The following DNAJC5G variants were observed in gnomAD, a reference collection of about 807,000 sequenced individuals.
DNAJC5G encodes dnaJ homolog subfamily C member 5G.
In DNAJC5G, 13 loss-of-function variants were observed where a neutral mutation model predicts 19.1. The observed-to-expected ratio is 0.68, with a 90% CI of 0.44 to 1.08. DNAJC5G has a LOEUF of 1.08. Ranked by LOEUF, DNAJC5G falls within the 50% of genes least tolerant of loss-of-function variation. The pLI is 0.00. For synonymous variants in DNAJC5G, 81 were observed against 84.4 expected, an observed-to-expected ratio of 0.96 and a Z score of 0.22; for missense variants, 245 against 230.4, an observed-to-expected ratio of 1.06 and a Z score of -0.41.
intron 3 of DNAJC5G, 82 bp downstream of exon 3, chr2:27,276,923 CTT>C (rs574019537): frequency 0.081 from 41,119 of 504,856 alleles, 27 homozygotes; most frequent in South Asian, 0.11. Context: ...CTATCTGACT[CTT>C]TTTTTTTTTT....
intron 1 of DNAJC5G, chr2:27,275,834 A>T (rs1347248573): frequency 6.5e-6 from 1 of 153,710 alleles, no homozygotes; most frequent in Non-Finnish European, 1.4e-5. Flanking sequence ...GGAGGGAAGA[A>T]GCAAGTCCAG....
intron 5 of DNAJC5G, 85 bp downstream of exon 5, chr2:27,278,417 A>G: frequency 6.4e-7 from 1 of 1,553,422 alleles, no homozygotes; most frequent in South Asian, 1.2e-5. Flanking sequence ...ACAATGGCTC[A>G]TGCCTGTAAT....
intron 5 of DNAJC5G, among the ~76,000 whole-genome samples, chr2:27,279,958 G>A (rs895684638): frequency 6.6e-6 from 1 of 151,518 alleles, no homozygotes; most frequent in African/African-American, 2.4e-5. Context: ...AGGAGGAGGA[G>A]GGGGAGGGGA....
At position 27,280,220 on chromosome 2, in the gene DNAJC5G, T is replaced by G; in HGVS notation, c.*5T>G. 1 of 1,613,924 alleles carries G rather than the reference T, an allele frequency of 6.2e-7. No individual in the cohort carries two copies. Among genetic ancestry groups the G allele is most frequent in the Non-Finnish European group, 8.5e-7 (1 of 1,179,904 alleles). ...AATAGCGAAGATGATTTTTAAGAGA[T>G]GAAGAAGGATGAGGTATGTAAACCG... On this transcript the variant is annotated 3_prime_UTR_variant, in exon 6 of 7. Coordinates refer to ENST00000296097, the MANE Select transcript of DNAJC5G (RefSeq NM_173650.3).
chr2:27,276,643 T>C, intron 2 of DNAJC5G, 83 bp from the exon 3 acceptor site: 1 of 1,211,844 alleles, frequency 8.3e-7, no homozygotes, highest in East Asian at 2.4e-5. Flanking sequence ...CTGAAGGTAG[T>C]GAGTTTCCTG....
intron 4 of DNAJC5G, 72 bp from the exon 5 acceptor site, chr2:27,278,116 G>A: frequency 6.2e-7 from 1 of 1,610,936 alleles, no homozygotes; most frequent in Non-Finnish European, 8.5e-7. Context: ...GTGCCAGGAG[G>A]ATTGAGGGAG....
chr2:27,278,683 C>CAAAAAAAAAAAAAAA (rs1180058010), intron 5 of DNAJC5G, among the ~76,000 whole-genome samples: 9 of 26,708 alleles, frequency 3.4e-4, no homozygotes, highest in Admixed American at 9.0e-4. Flanking sequence ...GACTCCATCT[C>CAAAAAAAAAAAAAAA]AAAAAAAAAA....
rs764886826 is a variant in DNAJC5G, at chr2:27,278,026, C to A, written c.375+11C>A. On this transcript the variant is annotated intron_variant, in intron 4 of 6. Coordinates refer to ENST00000296097, the MANE Select transcript of DNAJC5G (RefSeq NM_173650.3). ...AGTTGTTGGTTCAAGGTACACAATT[C>A]TCCAGGTCCTTTAAGAATAAGGAAA... 6.2e-7 allele frequency: 1 copy of A among 1,612,312 alleles called. No homozygotes were observed. The highest frequency in any genetic ancestry group is 8.5e-7 in the Non-Finnish European group (1 of 1,178,896).
chr2:27,277,670 C>T lies in DNAJC5G; in HGVS notation c.114-84C>T, dbSNP rs557255829. The T allele has an allele frequency of 2.5e-5, 38 of 1,545,038 alleles. No homozygotes were observed. In the East Asian group the frequency reaches 5.2e-4, roughly 21 times the overall value. ...AGTTTAGACCTTGGATGCTTGCCTCCATCCTTTGTACCACATCTCATGCAT... is the reference window on the plus strand; with the variant it reads ...AGTTTAGACCTTGGATGCTTGCCTCTATCCTTTGTACCACATCTCATGCAT... On this transcript the variant is annotated intron_variant, in intron 3 of 6. Transcript: ENST00000296097.
At position 27,277,754 on chromosome 2, in the gene DNAJC5G, C is replaced by A; in HGVS notation, c.114C>A (p.Ser38Arg). ...ASPEDFKKSY[S>R]HSALLPHPPF... ...ATTCATCGTAAGTCTCCTTCCCCAG[C>A]CATTCCGCATTGCTTCCCCACCCTC... The change falls in exon 4 of 7, where the codon AGC (serine) becomes AGA (arginine). Residue 38 changes from serine to arginine, a missense_variant and splice_region_variant. Ser to Arg is a moderately radical substitution (Grantham distance 110). Coordinates refer to ENST00000296097, the MANE Select transcript of DNAJC5G (RefSeq NM_173650.3). The A allele has an allele frequency of 6.2e-7, 1 of 1,613,882 alleles. No homozygotes were observed. The highest frequency in any genetic ancestry group is 8.5e-7 in the Non-Finnish European group (1 of 1,179,810).
intron 5 of DNAJC5G, 44 bp from the exon 6 acceptor site, chr2:27,280,122 A>G: frequency 1.3e-6 from 2 of 1,587,330 alleles, no homozygotes; most frequent in Non-Finnish European, 1.7e-6. Context: ...ACGAAAAGTT[A>G]CTAAACGTTT....
chr2:27,280,278 A>G (rs1306093589), intron 6 of DNAJC5G, 45 bp downstream of exon 6: 10 of 1,525,126 alleles, frequency 6.6e-6, no homozygotes, highest in Non-Finnish European at 9.1e-6. Flanking sequence ...TAAGAAAAGC[A>G]TGTAAGCTAA....
At position 27,281,204 on chromosome 2, in the gene DNAJC5G, A is replaced by G. The variant is rs762025464; in HGVS notation, c.*794A>G. On this transcript the variant is annotated 3_prime_UTR_variant, in exon 7 of 7. Transcript: ENST00000296097. ...TCACATATTATGCAGGCCAATTGAC[A>G]TATAATTTGTTCTTAAAAATAGGGG... 1 of 152,348 alleles carries G rather than the reference A, an allele frequency of 6.6e-6. No homozygotes were observed. Among genetic ancestry groups the G allele is most frequent in the Non-Finnish European group, 1.5e-5 (1 of 68,038 alleles). 9.4% of individuals were successfully genotyped at this position (152,348 alleles called of 1,614,324 possible).
intron 3 of DNAJC5G, 75 bp downstream of exon 3, chr2:27,276,916 T>G: frequency 1.0e-6 from 1 of 977,320 alleles, no homozygotes; most frequent in Non-Finnish European, 1.5e-6. Flanking sequence ...TCTTTTGCTA[T>G]CTGACTCTTT....
rs761664751 is a variant in DNAJC5G at position 27,280,183 on chromosome 2, A to G, written c.538A>G (p.Arg180Gly). 1.9e-6 allele frequency: 3 copies of G among 1,613,970 alleles called. No individual in the cohort carries two copies. The highest frequency in any genetic ancestry group is 1.7e-6 in the Non-Finnish European group (2 of 1,179,974). The part of the protein sequence containing the change: ...PPRSGAKCDF[R>G]SEENSEDDF The stretch of plus-strand genomic sequence containing the variant: ...CATCATAGGAGCCAAATGTGATTTT[A>G]GAAGCGAGGAAAATAGCGAAGATGA... Residue 180 changes from arginine to glycine, a missense_variant, in exon 6 of 7, where the codon AGA becomes GGA. Arg to Gly is a moderately radical substitution (Grantham distance 125). Coordinates refer to ENST00000296097, the MANE Select transcript of DNAJC5G (RefSeq NM_173650.3).
Position 27,277,923 on chromosome 2 carries a change from G to C in DNAJC5G, c.283G>C (p.Asp95His). ...LSDSKKRKIYDQHGSLGIYLY... is the reference protein window; with the variant it reads ...LSDSKKRKIYHQHGSLGIYLY... ...CGACTCTAAGAAGCGGAAAATTTAC[G>C]ACCAGCATGGCTCATTGGGAATATA... The change falls in exon 4 of 7, where the codon GAC becomes CAC. Residue 95 changes from aspartate (D) to histidine (H), a missense_variant. Asp to His is a moderately conservative substitution (Grantham distance 81). Transcript: ENST00000296097. 1.9e-6 allele frequency: 3 copies of C among 1,614,180 alleles called. No homozygotes were observed. The highest frequency in any genetic ancestry group is 1.1e-5 in the South Asian group (1 of 91,080).
At chr2:27,280,127 A>G (rs766645754) in intron 5 of DNAJC5G, 39 bp from the exon 6 acceptor site, 1 of 1,598,356 alleles carries the variant, frequency 6.3e-7, no homozygotes, top group South Asian at 1.1e-5. Context: ...AAGTTACTAA[A>G]CGTTTGTATA....
In DNAJC5G at chr2:27,275,508, C is replaced by T; in HGVS notation, c.-331C>T. ...CCCGGCCGGTGTGAAGTTTCACACC[C>T]AAAAGGATGAAGGGCACCCACCTGG... is the stretch of plus-strand genomic sequence containing the variant. On this transcript the variant is annotated 5_prime_UTR_variant, in exon 1 of 7. Transcript: ENST00000296097. 3.0e-6 allele frequency: 1 copy of T among 331,108 alleles called. No homozygotes were observed. Among genetic ancestry groups the T allele is most frequent in the Non-Finnish European group, 5.9e-6 (1 of 168,076 alleles). 20.5% of individuals were successfully genotyped at this position (331,108 alleles called of 1,614,324 possible). A position where few individuals can be genotyped will look rare whatever the true frequency, so the allele number is the denominator to read the frequency against.
chr2:27,275,932 A>G (rs1334158865), intron 1 of DNAJC5G, 174 bp from the exon 2 acceptor site: 1 of 124,796 alleles, frequency 8.0e-6, no homozygotes, highest in Admixed American at 1.0e-4. Flanking sequence ...GTTAGGCCTC[A>G]CACGGTTTGG....
Sources: gnomAD v4.1 joint callset for allele counts (sites outside exome capture counted in the v4.1 genomes callset) on GRCh38, gnomAD v4.1.1 for gene constraint, MANE v1.5 for transcripts, NCBI Gene and HGNC (gene_info 2026-07-23, HGNC 2026-07-21) for gene names.